TSPAN5: variants seen among roughly 807,000 people sequenced by gnomAD.
The protein encoded by TSPAN5 is tetraspanin 5.
Under a neutral mutation model 37.1 loss-of-function variants are expected in TSPAN5, and 10 were observed. The observed-to-expected ratio is 0.27, with a 90% CI of 0.17 to 0.46. The LOEUF is 0.46. TSPAN5 is among the 20% of genes least tolerant of loss of function. TSPAN5 has a pLI of 1.00. For missense variants in TSPAN5, 195 were observed against 326.6 expected (o/e 0.60, Z 3.11); for synonymous variants, 110 against 118.9 (o/e 0.93, Z 0.48).
intron 1 of TSPAN5, among the ~76,000 whole-genome samples, chr4:98,545,279 G>A (rs1754444741): frequency 6.6e-6 from 1 of 152,190 alleles, no homozygotes. Context: ...AAGAAATGAA[G>A]AGAAAAACTG....
intron 1 of TSPAN5, among the ~76,000 whole-genome samples, chr4:98,639,258 C>T (rs754040893): frequency 2.0e-4 from 31 of 152,262 alleles, no homozygotes; most frequent in Middle Eastern, 3.4e-3. Flanking sequence ...GCAGTACATG[C>T]CTCTCACTGG....
chr4:98,509,017 G>A lies in TSPAN5; in HGVS notation c.82-1289C>T, dbSNP rs1753543911. Among the ~76,000 whole-genome samples, 5 of 152,130 alleles carry A rather than the reference G, an allele frequency of 3.3e-5. No homozygotes were observed. The South Asian group carries it at 1.0e-3, about 32-fold the overall frequency. The stretch of plus-strand genomic sequence containing the variant: ...GGCGACACAGACTTGATGACACATT[G>A]TACAGAGCTGTCCACCCACTAAAAA... On this transcript the variant is annotated intron_variant, in intron 1 of 7. Transcript: ENST00000305798.
chr4:98,600,153 T>C (rs971395423), intron 1 of TSPAN5, among the ~76,000 whole-genome samples: 11 of 152,186 alleles, frequency 7.2e-5, no homozygotes, highest in Non-Finnish European at 2.9e-5. Context: ...AATTTAAAAA[T>C]ACTTTATAGC....
rs1338341197 is a variant in TSPAN5, at chr4:98,482,260, T to A, written c.280-85A>T. Reference sequence around the variant, plus strand: ...CTAAATGGTTCCTCTCTAAACAGGTTTGTAATTACATTGGATTGTTACACA... The same window carrying A: ...CTAAATGGTTCCTCTCTAAACAGGTATGTAATTACATTGGATTGTTACACA... On this transcript the variant is annotated intron_variant, in intron 3 of 7. Coordinates refer to ENST00000305798, the MANE Select transcript of TSPAN5 (RefSeq NM_005723.4). 8 of 1,241,290 alleles carry A rather than the reference T, an allele frequency of 6.4e-6. No homozygotes were observed. In the Admixed American group the frequency reaches 1.7e-4, roughly 26 times the overall value. 76.9% of individuals were successfully genotyped at this position (1,241,290 alleles called of 1,614,324 possible). A position where few individuals can be genotyped will look rare whatever the true frequency, so the allele number is the denominator to read the frequency against.
chr4:98,497,910 G>T (rs186239936), intron 2 of TSPAN5, among the ~76,000 whole-genome samples: 1 of 152,106 alleles, frequency 6.6e-6, no homozygotes, highest in African/African-American at 2.4e-5. Flanking sequence ...TGTGACAAGC[G>T]GTGAGAAGAG....
chr4:98,556,308 A>G (rs1754749688), intron 1 of TSPAN5, among the ~76,000 whole-genome samples: 1 of 152,130 alleles, frequency 6.6e-6, no homozygotes, highest in Non-Finnish European at 1.5e-5. Flanking sequence ...ACTGCATCTC[A>G]TTCACCCACG....
chr4:98,477,491 G>T (rs979959202), intron 5 of TSPAN5, among the ~76,000 whole-genome samples: 3 of 152,080 alleles, frequency 2.0e-5, no homozygotes, highest in Admixed American at 2.0e-4. Flanking sequence ...GAGCTCATCA[G>T]CACCCACTCG....
At chr4:98,555,031 A>G (rs1754708498) in intron 1 of TSPAN5, among the ~76,000 whole-genome samples, 1 of 152,234 alleles carries the variant, frequency 6.6e-6, no homozygotes, top group Non-Finnish European at 1.5e-5. Context: ...TGAGAACACC[A>G]GAAGTTTTCC....
At position 98,623,385 on chromosome 4, in the gene TSPAN5, C is replaced by T. The variant is rs139363356; in HGVS notation, c.81+34761G>A. On this transcript the variant is annotated intron_variant, in intron 1 of 7. Transcript: ENST00000305798. Reference sequence around the variant, plus strand: ...CGATTAAAGCAGGAGAATCATAATTCCTCCACACACCCTCCCTGCTGACAA... The same window carrying T: ...CGATTAAAGCAGGAGAATCATAATTTCTCCACACACCCTCCCTGCTGACAA... Among the ~76,000 whole-genome samples the T allele has an allele frequency of 1.7e-3, 252 of 152,246 alleles. 1 individual carries two copies. In the Middle Eastern group the frequency reaches 0.034, roughly 21 times the overall value.
chr4:98,506,997 G>T (rs913413643), intron 2 of TSPAN5, among the ~76,000 whole-genome samples: 1 of 152,144 alleles, frequency 6.6e-6, no homozygotes, highest in Admixed American at 6.5e-5. Context: ...GACACAGGGG[G>T]TGTCTGCATG....
chr4:98,644,481 T>C (rs572580326), intron 1 of TSPAN5, among the ~76,000 whole-genome samples: 1 of 152,278 alleles, frequency 6.6e-6, no homozygotes, highest in Non-Finnish European at 1.5e-5. Context: ...GATGTTCCCG[T>C]ATTTTTGGAA....
At chr4:98,480,907 C>T (rs1437469584) in intron 4 of TSPAN5, among the ~76,000 whole-genome samples, 1 of 152,140 alleles carries the variant, frequency 6.6e-6, no homozygotes, top group African/African-American at 2.4e-5. Context: ...CATAACCCTG[C>T]TCAGTCCTGA....
chr4:98,604,370 A>T (rs775983029), intron 1 of TSPAN5, among the ~76,000 whole-genome samples: 10 of 152,226 alleles, frequency 6.6e-5, no homozygotes, highest in Non-Finnish European at 1.5e-4. Context: ...TGCTAAGCAG[A>T]TTCTTACACT....
At chr4:98,630,517 G>A (rs1341328703) in intron 1 of TSPAN5, among the ~76,000 whole-genome samples, 5 of 152,162 alleles carry the variant, frequency 3.3e-5, no homozygotes, top group South Asian at 2.1e-4. Flanking sequence ...TCCGAGGCAC[G>A]CATATTCCCT....
At position 98,556,643 on chromosome 4, in the gene TSPAN5, C is replaced by G. The variant is rs539421565; in HGVS notation, c.82-48915G>C. 7.7e-4 allele frequency among the ~76,000 whole-genome samples: 117 copies of G among 152,280 alleles called. 1 individual carries two copies. Among genetic ancestry groups the G allele is most frequent in the African/African-American group, 2.7e-3 (111 of 41,574 alleles). ...TTTACTACTTATTCATTCATTTTCA[C>G]TAATACTCACCAAAAGAGATGTGGT... is the stretch of plus-strand genomic sequence containing the variant. On this transcript the variant is annotated intron_variant, in intron 1 of 7. Coordinates refer to ENST00000305798, the MANE Select transcript of TSPAN5 (RefSeq NM_005723.4).
chr4:98,658,340 C>T lies in TSPAN5; in HGVS notation c.-114G>A, dbSNP rs1256105978. 1.2e-6 allele frequency: 1 copy of T among 843,080 alleles called. No individual in the cohort carries two copies. Among genetic ancestry groups the T allele is most frequent in the Non-Finnish European group, 1.9e-6 (1 of 514,096 alleles). The allele number at this position is 843,080 out of a possible 1,614,324, so 52.2% of individuals were successfully genotyped here. ...AGCTCAGGGACACCGCACGGGGCCGCGGCGCTGGCGGCCTGGGCTCAGCCG... is the reference window on the plus strand; with the variant it reads ...AGCTCAGGGACACCGCACGGGGCCGTGGCGCTGGCGGCCTGGGCTCAGCCG... On this transcript the variant is annotated 5_prime_UTR_variant, in exon 1 of 8. Transcript: ENST00000305798.
intron 1 of TSPAN5, among the ~76,000 whole-genome samples, chr4:98,530,848 C>T (rs1235650962): frequency 6.6e-6 from 1 of 152,146 alleles, no homozygotes; most frequent in South Asian, 2.1e-4. Flanking sequence ...CTCAAGCCAT[C>T]CTCCTGCTTC....
At chr4:98,487,799 C>T (rs1578939934) in intron 2 of TSPAN5, among the ~76,000 whole-genome samples, 1 of 152,126 alleles carries the variant, frequency 6.6e-6, no homozygotes, top group South Asian at 2.1e-4. Flanking sequence ...AAACGGACCT[C>T]GAGTAATTTC....
intron 7 of TSPAN5, among the ~76,000 whole-genome samples, chr4:98,473,329 C>A (rs1001070023): frequency 1.3e-5 from 2 of 152,210 alleles, no homozygotes; most frequent in African/African-American, 4.8e-5. Flanking sequence ...CACATCCTTG[C>A]CGATACTTGT....
Sources: allele counts gnomAD v4.1 joint callset (sites outside exome capture counted in the v4.1 genomes callset), GRCh38; gene constraint gnomAD v4.1.1; transcripts MANE v1.5; gene names NCBI Gene and HGNC (gene_info 2026-07-23, HGNC 2026-07-21).